ADK: variants seen among roughly 807,000 people sequenced by gnomAD.
ADK encodes adenosine kinase.
A neutral mutation model predicts 44.7 loss-of-function variants in ADK; 24 were observed. The ratio of observed to expected loss-of-function variants is 0.54; its 90% CI spans 0.39 to 0.76. The LOEUF (loss-of-function observed/expected upper bound fraction) is 0.76, where lower values mean the gene tolerates loss of function less well. Among genes scored for constraint, ADK ranks in the 30% least tolerant of loss-of-function variants. The probability of loss-of-function intolerance (pLI) is 0.00; values close to 1 mark genes in which losing one functional copy is unlikely to be tolerated. For missense variants in ADK, 321 were observed against 425.1 expected (o/e 0.76, Z 2.15); for synonymous variants, 128 against 142.6 (o/e 0.90, Z 0.73).
chr10:74,332,896 A>C (rs1161096558), intron 4 of ADK, among the ~76,000 whole-genome samples: 1 of 152,172 alleles, frequency 6.6e-6, no homozygotes, highest in African/African-American at 2.4e-5. Context: ...GAACACTGGA[A>C]GAATGTCTTA....
chr10:74,458,363 T>C (rs1846039984), intron 6 of ADK, among the ~76,000 whole-genome samples: 1 of 144,336 alleles, frequency 6.9e-6, no homozygotes, highest in South Asian at 2.3e-4. Context: ...GTTTTCTAAC[T>C]CCCAGCCTCA....
intron 3 of ADK, among the ~76,000 whole-genome samples, chr10:74,262,278 A>G (rs1846064234): frequency 6.8e-6 from 1 of 147,900 alleles, no homozygotes; most frequent in Admixed American, 7.0e-5. Context: ...ACGCCATTGC[A>G]CTCCAGCCTG....
chr10:74,292,047 G>A (rs1229110438), intron 3 of ADK, among the ~76,000 whole-genome samples: 1 of 152,062 alleles, frequency 6.6e-6, no homozygotes, highest in Non-Finnish European at 1.5e-5. Flanking sequence ...TCATGAGCCC[G>A]TGGGATTGTT....
At chr10:74,168,912 A>G (rs1842098245) in intron 1 of ADK, among the ~76,000 whole-genome samples, 1 of 152,062 alleles carries the variant, frequency 6.6e-6, no homozygotes, top group South Asian at 2.1e-4. Flanking sequence ...TGCCTTGCCA[A>G]AATAAGGAAA....
At chr10:74,320,624 G>A (rs918709654) in intron 4 of ADK, among the ~76,000 whole-genome samples, 23 of 151,978 alleles carry the variant, frequency 1.5e-4, no homozygotes, top group Non-Finnish European at 2.8e-4. Flanking sequence ...ATGTTGGTCT[G>A]TGGTGATTGT....
intron 6 of ADK, among the ~76,000 whole-genome samples, chr10:74,451,158 T>C (rs1202772839): frequency 6.6e-6 from 1 of 151,516 alleles, no homozygotes; most frequent in African/African-American, 2.4e-5. Context: ...ATTTCATGAT[T>C]TTTTTTTCAA....
intron 2 of ADK, among the ~76,000 whole-genome samples, chr10:74,215,642 TTATATAATACTGATAAATCACTC>T (rs1843983506): frequency 1.3e-5 from 2 of 150,848 alleles, no homozygotes; most frequent in African/African-American, 4.9e-5. Flanking sequence ...TTTAATAACT[TTATATAATACTGATAAATCACTC>T]TTTTTTTTTT....
At chr10:74,474,260 C>A (rs529150351) in intron 6 of ADK, among the ~76,000 whole-genome samples, 2 of 151,902 alleles carry the variant, frequency 1.3e-5, no homozygotes, top group Admixed American at 6.6e-5. Flanking sequence ...TGTGCCACCA[C>A]GCCCAATTAA....
At chr10:74,331,673 A>T (rs753386040) in intron 4 of ADK, among the ~76,000 whole-genome samples, 3 of 151,996 alleles carry the variant, frequency 2.0e-5, no homozygotes, top group Non-Finnish European at 2.9e-5. Flanking sequence ...TTTAATAGAG[A>T]CGGGATTTCA....
At chr10:74,552,133 G>A (rs1188294471) in intron 7 of ADK, among the ~76,000 whole-genome samples, 5 of 151,942 alleles carry the variant, frequency 3.3e-5, no homozygotes, top group Non-Finnish European at 7.4e-5. Context: ...ATTTTAGTGG[G>A]TAGTAAAACT....
intron 3 of ADK, among the ~76,000 whole-genome samples, chr10:74,276,679 A>C (rs1846693137): frequency 6.6e-6 from 1 of 151,966 alleles, no homozygotes. Flanking sequence ...TTGTTAGCTG[A>C]ATTCAGTTAC....
Position 74,499,086 on chromosome 10 carries a change from C to G in ADK, c.556-26170C>G, listed in dbSNP as rs141939135. Among the ~76,000 whole-genome samples, 859 of 152,310 alleles carry G rather than the reference C, an allele frequency of 5.6e-3. 6 individuals carry two copies. Among genetic ancestry groups the G allele is most frequent in the African/African-American group, 0.02 (813 of 41,570 alleles). On this transcript the variant is annotated intron_variant, in intron 6 of 10. Coordinates refer to ENST00000539909, the MANE Select transcript of ADK (RefSeq NM_006721.4). Reference sequence around the variant, plus strand: ...GTGTTTTTTGAGACAGGGTCCCACTCTGTCACCCAGGCTGGATTGCAGTGG... The same window carrying G: ...GTGTTTTTTGAGACAGGGTCCCACTGTGTCACCCAGGCTGGATTGCAGTGG...
chr10:74,309,988 T>C (rs924589454), intron 3 of ADK, among the ~76,000 whole-genome samples: 2 of 152,090 alleles, frequency 1.3e-5, no homozygotes, highest in African/African-American at 4.8e-5. Flanking sequence ...TTTGTTGTAA[T>C]TTTTTCCTGT....
intron 4 of ADK, among the ~76,000 whole-genome samples, chr10:74,393,327 C>T (rs1051463788): frequency 1.6e-4 from 25 of 152,118 alleles, no homozygotes; most frequent in African/African-American, 5.6e-4. Flanking sequence ...TTAGAACCCT[C>T]AGGGATTTGA....
intron 4 of ADK, among the ~76,000 whole-genome samples, chr10:74,392,075 G>A (rs933505411): frequency 3.9e-5 from 6 of 152,074 alleles, no homozygotes; most frequent in African/African-American, 1.4e-4. Context: ...AGATGTCTGG[G>A]TTGCTTGTAC....
At chr10:74,553,190 GTTTTTTTTTTTTTTTTTT>G (rs386371837) in intron 7 of ADK, among the ~76,000 whole-genome samples, 8 of 60,418 alleles carry the variant, frequency 1.3e-4, no homozygotes, top group African/African-American at 4.9e-4. Context: ...AGCACATTGT[GTTTTTTTTTTTTTTTTTT>G]TTTTTTTTTT....
chr10:74,651,931 G>A (rs903059131), intron 9 of ADK, among the ~76,000 whole-genome samples: 28 of 152,104 alleles, frequency 1.8e-4, no homozygotes, highest in African/African-American at 6.5e-4. Context: ...ACATTTATTT[G>A]AATTTAGAAC....
chr10:74,210,062 G>A (rs1313467248), intron 2 of ADK, among the ~76,000 whole-genome samples: 1 of 152,124 alleles, frequency 6.6e-6, no homozygotes, highest in African/African-American at 2.4e-5. Context: ...GGGCGCGGTG[G>A]CTCACACCTG....
At chr10:74,290,185 G>A (rs113967954) in intron 3 of ADK, among the ~76,000 whole-genome samples, 12 of 151,458 alleles carry the variant, frequency 7.9e-5, no homozygotes, top group Non-Finnish European at 1.8e-4. Flanking sequence ...TTTTTCCTTC[G>A]GTTCGTTCTT....
Sources: gnomAD v4.1 joint callset for allele counts (sites outside exome capture counted in the v4.1 genomes callset) on GRCh38, gnomAD v4.1.1 for gene constraint, MANE v1.5 for transcripts, NCBI Gene and HGNC (gene_info 2026-07-23, HGNC 2026-07-21) for gene names.